EIF4E2: variants seen among roughly 807,000 people sequenced by gnomAD.
EIF4E2 encodes eukaryotic translation initiation factor 4E type 2.
EIF4E2 carries 13 observed loss-of-function variants against 34.2 expected under a neutral mutation model. That is an observed-to-expected ratio of 0.38 (90% CI 0.25 to 0.60). The LOEUF (loss-of-function observed/expected upper bound fraction) is 0.60, where lower values mean the gene tolerates loss of function less well. Ranked by LOEUF, EIF4E2 falls within the 20% of genes least tolerant of loss-of-function variation. The probability of loss-of-function intolerance (pLI) is 0.62; values close to 1 mark genes in which losing one functional copy is unlikely to be tolerated. For missense variants in EIF4E2, 222 were observed against 315.1 expected (o/e 0.70, Z 2.24); for synonymous variants, 100 against 106.6 (o/e 0.94, Z 0.38).
At chr2:232,567,391 G>T in intron 6 of EIF4E2, 177 bp downstream of exon 6, 1 of 1,422,604 alleles carries the variant, frequency 7.0e-7, no homozygotes. Context: ...GAGGCTCCCT[G>T]CCACCTATAC....
intron 1 of EIF4E2, among the ~76,000 whole-genome samples, chr2:232,555,627 G>C (rs1373065295): frequency 6.6e-6 from 1 of 152,176 alleles, no homozygotes. Flanking sequence ...GATGAAATAA[G>C]ACACTGCTCT....
chr2:232,558,046 T>C, intron 3 of EIF4E2, 28 bp downstream of exon 3: 4 of 1,612,732 alleles, frequency 2.5e-6, no homozygotes, highest in Non-Finnish European at 3.4e-6. Flanking sequence ...TAATGGAGTG[T>C]GCCTTGATAG....
In EIF4E2 at chr2:232,557,954, C is replaced by G. The variant is rs1483687915; in HGVS notation, c.206C>G (p.Pro69Arg). ...ACTTTTTGGTACTCCAGGAGAACCC[C>G]CGGCCGTCCCACGAGCTCACAGAGC... Reference protein sequence around the residue: ...NYTFWYSRRTPGRPTSSQSYE... With the variant: ...NYTFWYSRRTRGRPTSSQSYE... Residue 69 changes from proline (P) to arginine (R), a missense_variant, in exon 3 of 7, where the codon CCC becomes CGC. Transcript: ENST00000258416. The G allele has an allele frequency of 6.2e-7, 1 of 1,614,014 alleles. No homozygotes were observed. Among genetic ancestry groups the G allele is most frequent in the African/African-American group, 1.3e-5 (1 of 74,890 alleles).
chr2:232,553,833 A>C (rs1373475967), intron 1 of EIF4E2: 1 of 150,340 alleles, frequency 6.7e-6, no homozygotes, highest in Non-Finnish European at 1.5e-5. Context: ...CTTCTCTGAC[A>C]ATTATTTTTG....
Position 232,567,180 on chromosome 2 carries a change from A to G in EIF4E2, c.631A>G (p.Ile211Val), listed in dbSNP as rs1559319463. The G allele has an allele frequency of 1.2e-6, 2 of 1,614,212 alleles. No homozygotes were observed. Among genetic ancestry groups the G allele is most frequent in the Non-Finnish European group, 8.5e-7 (1 of 1,180,040 alleles). ...RRVLNLPPNT[I>V]MEYKTHTDSI... Reference sequence around the variant, plus strand: ...AGTGCTTAACCTACCTCCCAACACCATTATGGAATACAAAACTCACACCGA... The same window carrying G: ...AGTGCTTAACCTACCTCCCAACACCGTTATGGAATACAAAACTCACACCGA... The change falls in exon 6 of 7, where the codon ATT becomes GTT. Residue 211 changes from isoleucine (I) to valine (V), a missense_variant. This residue lies in a region of EIF4E2 where 105 missense variants were observed against 195.1 expected (regional missense o/e 0.54). Coordinates refer to ENST00000258416, the MANE Select transcript of EIF4E2 (RefSeq NM_004846.4).
downstream of EIF4E2, among the ~76,000 whole-genome samples, chr2:232,572,009 C>T (rs568596020): frequency 5.8e-4 from 88 of 152,266 alleles, no homozygotes; most frequent in African/African-American, 2.1e-3. Context: ...GTGAGATGGG[C>T]CAAGAGTGGT....
chr2:232,557,951 C>A lies in EIF4E2; in HGVS notation c.203C>A (p.Thr68Asn). ...YNYTFWYSRR[T>N]PGRPTSSQSY... is the part of the protein sequence containing the mutation. ...TACACTTTTTGGTACTCCAGGAGAA[C>A]CCCCGGCCGTCCCACGAGCTCACAG... is the stretch of plus-strand genomic sequence containing the variant. Residue 68 changes from threonine (T) to asparagine (N), a missense_variant, in exon 3 of 7, where the codon ACC (threonine) becomes AAC (asparagine). By Grantham distance (65) the Thr-to-Asn change is moderately conservative. This residue lies in a region of EIF4E2 where 87 missense variants were observed against 93.6 expected (regional missense o/e 0.93). Coordinates refer to ENST00000258416, the MANE Select transcript of EIF4E2 (RefSeq NM_004846.4). 6.2e-7 allele frequency: 1 copy of A among 1,614,100 alleles called. No individual in the cohort carries two copies. Among genetic ancestry groups the A allele is most frequent in the Non-Finnish European group, 8.5e-7 (1 of 1,180,000 alleles).
At chr2:232,576,864 A>C (rs1210459794) in intron 6 of EIF4E2, among the ~76,000 whole-genome samples, 2 of 152,244 alleles carry the variant, frequency 1.3e-5, no homozygotes, top group Non-Finnish European at 2.9e-5. Context: ...ATTGTGATCT[A>C]TGAAGAAATT....
chr2:232,559,441 A>AAAAAAGAAAT (rs137972142), intron 3 of EIF4E2, among the ~76,000 whole-genome samples: 1 of 135,358 alleles, frequency 7.4e-6, no homozygotes, highest in African/African-American at 3.4e-5. Flanking sequence ...TGGTTTGAAA[A>AAAAAAGAAAT]AAATAAAAAA....
intron 6 of EIF4E2, among the ~76,000 whole-genome samples, chr2:232,576,281 CT>C (rs1256439975): frequency 1.3e-5 from 2 of 152,014 alleles, no homozygotes; most frequent in Non-Finnish European, 2.9e-5. Context: ...GTGTTTACTT[CT>C]TAAAGTACAT....
intron 6 of EIF4E2, 132 bp downstream of exon 6, chr2:232,567,346 G>A: frequency 6.8e-7 from 1 of 1,480,858 alleles, no homozygotes; most frequent in Non-Finnish European, 9.0e-7. Context: ...CTTCCCTCTA[G>A]GGCTTCTGGC....
intron 4 of EIF4E2, among the ~76,000 whole-genome samples, chr2:232,564,990 CAT>C (rs1379646655): frequency 6.6e-6 from 1 of 152,044 alleles, no homozygotes; most frequent in African/African-American, 2.4e-5. Flanking sequence ...ACATAGTACA[CAT>C]ATGATTAAAG....
downstream of EIF4E2, among the ~76,000 whole-genome samples, chr2:232,572,669 A>G (rs1023971803): frequency 1.3e-5 from 2 of 152,110 alleles, no homozygotes; most frequent in African/African-American, 4.8e-5. Context: ...GCTGTGAGGA[A>G]ATTTCTTAAC....
intron 4 of EIF4E2, among the ~76,000 whole-genome samples, chr2:232,565,160 GCTC>G (rs1692877052): frequency 6.6e-6 from 1 of 152,196 alleles, no homozygotes; most frequent in South Asian, 2.1e-4. Context: ...ATCTTATACA[GCTC>G]CTCATTGCTC....
In EIF4E2 at chr2:232,566,866, G is replaced by A; in HGVS notation, c.413G>A (p.Arg138Gln). The A allele has an allele frequency of 1.2e-6, 2 of 1,613,992 alleles. No homozygotes were observed. Among genetic ancestry groups the A allele is most frequent in the Non-Finnish European group, 1.7e-6 (2 of 1,179,998 alleles). ...ANKNGGKWII[R>Q]LRKGLASRCW... ...AAAAATGGTGGCAAGTGGATTATTCGGCTGCGGAAGGGCTTGGCCTCCCGT... is the reference window on the plus strand; with the variant it reads ...AAAAATGGTGGCAAGTGGATTATTCAGCTGCGGAAGGGCTTGGCCTCCCGT... The change falls in exon 5 of 7, where the codon CGG (arginine) becomes CAG (glutamine). Residue 138 changes from arginine (R) to glutamine (Q), a missense_variant. Coordinates refer to ENST00000258416, the MANE Select transcript of EIF4E2 (RefSeq NM_004846.4). The surrounding 1 kb of genome is among the most constrained non-coding windows in gnomAD (Gnocchi z 4.9).
At chr2:232,574,196 C>A, downstream of EIF4E2, 3 of 1,475,760 alleles carry the variant, frequency 2.0e-6, no homozygotes, top group South Asian at 2.4e-5. Flanking sequence ...GTTATTGTGT[C>A]TGCTCTCTGT....
intron 3 of EIF4E2, among the ~76,000 whole-genome samples, chr2:232,560,061 T>C (rs576538601): frequency 6.6e-6 from 1 of 152,280 alleles, no homozygotes; most frequent in Admixed American, 6.5e-5. Context: ...TAATTGAAAC[T>C]CAGGTACAGA....
intron 6 of EIF4E2, chr2:232,568,070 A>G (rs1002318019): frequency 5.1e-6 from 5 of 985,198 alleles, no homozygotes; most frequent in African/African-American, 1.7e-5. Context: ...TAACAAGGCT[A>G]TTGTGAGGCT....
intron 2 of EIF4E2, among the ~76,000 whole-genome samples, chr2:232,557,001 C>T (rs1292908409): frequency 6.6e-6 from 1 of 152,174 alleles, no homozygotes; most frequent in African/African-American, 2.4e-5. Flanking sequence ...AATCCTAGCA[C>T]TTTGGAAGGC....
Sources: allele counts gnomAD v4.1 joint callset (sites outside exome capture counted in the v4.1 genomes callset), GRCh38; gene constraint gnomAD v4.1.1; regional missense constraint gnomAD v4.1.1; non-coding constraint Gnocchi (gnomAD v3.1); transcripts MANE v1.5; gene names NCBI Gene and HGNC (gene_info 2026-07-23, HGNC 2026-07-21).